TXNRD1: variants seen among roughly 807,000 people sequenced by gnomAD.
TXNRD1 encodes thioredoxin reductase 1, cytoplasmic.
TXNRD1 carries 57 observed loss-of-function variants against 80.3 expected under a neutral mutation model. The ratio of observed to expected loss-of-function variants is 0.71; its 90% confidence interval spans 0.57 to 0.89. The LOEUF (loss-of-function observed/expected upper bound fraction) is 0.89, where lower values mean the gene tolerates loss of function less well. TXNRD1 is among the 40% of genes least tolerant of loss of function. The pLI, the probability that TXNRD1 is intolerant of heterozygous loss-of-function variation, is 0.00. For missense variants in TXNRD1, 730 were observed against 803.0 expected (o/e 0.91, Z 1.10); for synonymous variants, 291 against 285.2 (o/e 1.02, Z -0.20).
intron 16 of TXNRD1, among the ~76,000 whole-genome samples, chr12:104,342,173 C>T (rs1243433466): frequency 2.0e-5 from 3 of 152,116 alleles, no homozygotes; most frequent in Non-Finnish European, 4.4e-5. Context: ...ACCCAATCTC[C>T]TGCTCCCTCC....
chr12:104,229,562 C>CATTTTAATTT (rs1555205614), intron 1 of TXNRD1, among the ~76,000 whole-genome samples: 5 of 141,910 alleles, frequency 3.5e-5, no homozygotes, highest in African/African-American at 1.4e-4. Context: ...GAATATACAA[C>CATTTTAATTT]ATTTTATTTT....
intron 3 of TXNRD1, among the ~76,000 whole-genome samples, chr12:104,271,798 A>G (rs2033657264): frequency 6.6e-6 from 1 of 151,924 alleles, no homozygotes; most frequent in Non-Finnish European, 1.5e-5. Flanking sequence ...GACACTCATG[A>G]GGCAGAGGTT....
At chr12:104,304,694 C>T (rs768010297) in intron 4 of TXNRD1, 9 of 1,613,854 alleles carry the variant, frequency 5.6e-6, no homozygotes, top group East Asian at 2.2e-5. Context: ...CTCTTTTTCT[C>T]GTACTGTGGA....
In TXNRD1 at chr12:104,274,595, A is replaced by G. The variant is rs188802716; in HGVS notation, c.305-14336A>G. Among the ~76,000 whole-genome samples the G allele has an allele frequency of 2.9e-3, 435 of 151,940 alleles. 9 individuals are homozygous for G. The highest frequency in any genetic ancestry group is 0.021 in the East Asian group (110 of 5,150). ...GCACCTGTAGTCCCAGCTACTCGGT[A>G]GGCTGAGGCAGGAGAATTGCTTGAA... On this transcript the variant is annotated intron_variant, in intron 3 of 16. Coordinates refer to ENST00000525566, the MANE Select transcript of TXNRD1 (RefSeq NM_001093771.3).
At chr12:104,302,086 C>G (rs2034649023) in intron 4 of TXNRD1, among the ~76,000 whole-genome samples, 1 of 152,102 alleles carries the variant, frequency 6.6e-6, no homozygotes, top group Non-Finnish European at 1.5e-5. Flanking sequence ...TTTTGAGAAG[C>G]CAACAATCTA....
In TXNRD1 at chr12:104,321,262, T is replaced by A. The variant is rs534032892; in HGVS notation, c.1161T>A (p.Gly387=). 1 of 1,613,960 alleles carries A rather than the reference T, an allele frequency of 6.2e-7. No homozygotes were observed. The highest frequency in any genetic ancestry group is 1.1e-5 in the South Asian group (1 of 91,086). Reference sequence around the variant, plus strand: ...ACCAGGACATGGCCAACAAAATTGGTGAACACATGGAAGAACATGGCATCA... The same window carrying A: ...ACCAGGACATGGCCAACAAAATTGGAGAACACATGGAAGAACATGGCATCA... ...GFDQDMANKI[G]EHMEEHGIKF... Residue 387 remains glycine, a synonymous_variant, in exon 10 of 17, where the codon GGT becomes GGA. Coordinates refer to ENST00000525566, the MANE Select transcript of TXNRD1 (RefSeq NM_001093771.3).
chr12:104,221,310 T>TTTTTATTTTA lies in TXNRD1; in HGVS notation c.91+5432_91+5441dup, dbSNP rs112398345. Among the ~76,000 whole-genome samples, 9 of 152,026 alleles carry TTTTTATTTTA rather than the reference T, an allele frequency of 5.9e-5. No homozygotes were observed. The South Asian group carries it at 1.3e-3, about 21-fold the overall frequency. On this transcript the variant is annotated intron_variant, in intron 1 of 16. Coordinates refer to ENST00000525566, the MANE Select transcript of TXNRD1 (RefSeq NM_001093771.3). ...CTGTTGGGTTTTTCGTTTGTTTGGA[T>TTTTTATTTTA]TTTTATTTTATTTTATTTTATTTTG...
At chr12:104,324,880 C>T (rs1416524094) in intron 10 of TXNRD1, among the ~76,000 whole-genome samples, 1 of 152,164 alleles carries the variant, frequency 6.6e-6, no homozygotes, top group African/African-American at 2.4e-5. Flanking sequence ...CACTATGGAC[C>T]TGCTGTAATG....
intron 5 of TXNRD1, among the ~76,000 whole-genome samples, chr12:104,311,990 A>G (rs554386551): frequency 3.6e-4 from 38 of 106,430 alleles, no homozygotes; most frequent in African/African-American, 1.1e-3. Context: ...TTTAAAAAAT[A>G]TATATATATA....
intron 15 of TXNRD1, among the ~76,000 whole-genome samples, chr12:104,338,670 C>T (rs2036224213): frequency 6.6e-6 from 1 of 150,852 alleles, no homozygotes; most frequent in South Asian, 2.1e-4. Context: ...GCACTCCAGC[C>T]TGGGCAAGAA....
At chr12:104,271,264 C>A (rs2033647042) in intron 3 of TXNRD1, among the ~76,000 whole-genome samples, 2 of 149,038 alleles carry the variant, frequency 1.3e-5, no homozygotes, top group Non-Finnish European at 3.0e-5. Flanking sequence ...GGGCTCACTG[C>A]AAGCTCCGCC....
intron 3 of TXNRD1, chr12:104,276,580 C>G (rs2033762698): frequency 1.3e-5 from 2 of 152,206 alleles, no homozygotes; most frequent in African/African-American, 4.8e-5. Flanking sequence ...CACTCCCTTT[C>G]TTCTCTTTTC....
chr12:104,236,358 T>G (rs1490216360), intron 1 of TXNRD1, among the ~76,000 whole-genome samples: 1 of 152,208 alleles, frequency 6.6e-6, no homozygotes, highest in Non-Finnish European at 1.5e-5. Context: ...TTGCATTAAG[T>G]CATAACCTAA....
intron 3 of TXNRD1, among the ~76,000 whole-genome samples, chr12:104,279,449 G>A (rs1168146898): frequency 6.6e-6 from 1 of 152,194 alleles, no homozygotes; most frequent in Admixed American, 6.5e-5. Flanking sequence ...TAATTACAGG[G>A]ACTGAAAGCA....
intron 3 of TXNRD1, among the ~76,000 whole-genome samples, chr12:104,271,305 C>A (rs1194402795): frequency 6.6e-6 from 1 of 151,650 alleles, no homozygotes; most frequent in African/African-American, 2.4e-5. Context: ...CCTGCCTCAG[C>A]CTCCTGAGTT....
intron 3 of TXNRD1, among the ~76,000 whole-genome samples, chr12:104,270,558 A>G (rs1165173496): frequency 6.6e-6 from 1 of 152,198 alleles, no homozygotes; most frequent in Admixed American, 6.6e-5. Context: ...AAGCAAAGGC[A>G]GAGTAGATTT....
At chr12:104,278,785 G>A (rs574620193) in intron 3 of TXNRD1, among the ~76,000 whole-genome samples, 2 of 152,202 alleles carry the variant, frequency 1.3e-5, no homozygotes, top group Non-Finnish European at 2.9e-5. Context: ...ACAGGCGTGA[G>A]CCACCGCACC....
At chr12:104,304,631 C>T in intron 4 of TXNRD1, 2 of 1,613,866 alleles carry the variant, frequency 1.2e-6, no homozygotes, top group African/African-American at 1.3e-5. Context: ...AACCTACTTT[C>T]GAAAGTATCC....
At chr12:104,334,493 C>T (rs1461944803) in intron 15 of TXNRD1, among the ~76,000 whole-genome samples, 161 bp downstream of exon 15, 1 of 152,064 alleles carries the variant, frequency 6.6e-6, no homozygotes, top group Non-Finnish European at 1.5e-5. Flanking sequence ...AGTGATTCTC[C>T]TGCCTCAGCC....
Sources: gnomAD v4.1 joint callset for allele counts (sites outside exome capture counted in the v4.1 genomes callset) on GRCh38, gnomAD v4.1.1 for gene constraint, MANE v1.5 for transcripts, NCBI Gene and HGNC (gene_info 2026-07-23, HGNC 2026-07-21) for gene names.